Variants in ANPEP observed in about 807,000 individuals in gnomAD.
ANPEP encodes alanyl aminopeptidase, membrane.
Under a neutral mutation model 114.6 loss-of-function variants are expected in ANPEP, and 70 were observed. That is an observed-to-expected ratio of 0.61 (90% CI 0.50 to 0.75). The LOEUF is 0.75. Among genes scored for constraint, ANPEP ranks in the 30% least tolerant of loss-of-function variants. ANPEP has a pLI of 0.00. For synonymous variants in ANPEP, 548 were observed against 522.3 expected, an observed-to-expected ratio of 1.05 and a Z score of -0.67; for missense variants, 1,184 against 1,259.5, an observed-to-expected ratio of 0.94 and a Z score of 0.91.
chr15:89,785,096 A>C lies in ANPEP; in HGVS notation c.*253T>G. 2 of 467,546 alleles carry C rather than the reference A, an allele frequency of 4.3e-6. No homozygotes were observed. Among genetic ancestry groups the C allele is most frequent in the East Asian group, 8.1e-5 (2 of 24,742 alleles). 29.0% of individuals were successfully genotyped at this position (467,546 alleles called of 1,614,324 possible). A position where few individuals can be genotyped will look rare whatever the true frequency, so the allele number is the denominator to read the frequency against. On this transcript the variant is annotated 3_prime_UTR_variant, in exon 21 of 21. Coordinates refer to ENST00000300060, the MANE Select transcript of ANPEP (RefSeq NM_001150.3). ...GCTTCCCTGAGATCAGCCCCAGGGC[A>C]CTGGGCGACAGGTGCCATGCCAGGC...
intron 15 of ANPEP, among the ~76,000 whole-genome samples, chr15:89,797,181 G>T (rs1596164457): frequency 1.3e-5 from 2 of 152,364 alleles, no homozygotes; most frequent in South Asian, 4.1e-4. Flanking sequence ...AGAAAGGGTT[G>T]CCCAAGGCCA....
In ANPEP at chr15:89,787,325, G is replaced by A. The variant is rs1035988160; in HGVS notation, c.2752-1824C>T. ...CTCCCAAAGTGCTGGGATTACAGGC[G>A]TGAGCCGCCATGCCTGGCCAATAAA... On this transcript the variant is annotated intron_variant, in intron 20 of 20. Coordinates refer to ENST00000300060, the MANE Select transcript of ANPEP (RefSeq NM_001150.3). 3.9e-5 allele frequency among the ~76,000 whole-genome samples: 6 copies of A among 152,260 alleles called. No individual in the cohort carries two copies. In the South Asian group the frequency reaches 8.3e-4, roughly 21 times the overall value.
At chr15:89,801,266 C>G (rs1894583177) in intron 11 of ANPEP, 79 bp from the exon 12 acceptor site, 1 of 1,568,910 alleles carries the variant, frequency 6.4e-7, no homozygotes, top group Non-Finnish European at 8.8e-7. Flanking sequence ...AGGCTCCCAG[C>G]TTCTGCCCAG....
At chr15:89,786,019 A>T in intron 20 of ANPEP, among the ~76,000 whole-genome samples, 1 of 152,236 alleles carries the variant, frequency 6.6e-6, no homozygotes, top group South Asian at 2.1e-4. Context: ...AATTTTAAGG[A>T]ATCCATTAAA....
chr15:89,804,204 T>A, intron 6 of ANPEP, 49 bp downstream of exon 6: 1 of 1,608,634 alleles, frequency 6.2e-7, no homozygotes, highest in Non-Finnish European at 8.5e-7. Flanking sequence ...CGCCGTCTCC[T>A]CTCGGAGCCC....
At chr15:89,794,675 C>A (rs1968695466) in intron 15 of ANPEP, among the ~76,000 whole-genome samples, 1 of 151,978 alleles carries the variant, frequency 6.6e-6, no homozygotes, top group African/African-American at 2.4e-5. Flanking sequence ...GAGATTGAAC[C>A]AGGGGGCTCA....
At chr15:89,813,045 C>T (rs1894843449) in intron 1 of ANPEP, among the ~76,000 whole-genome samples, 1 of 152,096 alleles carries the variant, frequency 6.6e-6, no homozygotes, top group South Asian at 2.1e-4. Flanking sequence ...TGACTGGGAC[C>T]ACTGTAGGGC....
Position 89,792,465 on chromosome 15 carries a change from G to A in ANPEP, c.2347C>T (p.Pro783Ser), listed in dbSNP as rs371057081. 6 of 1,614,094 alleles carry A rather than the reference G, an allele frequency of 3.7e-6. No individual in the cohort carries two copies. Among genetic ancestry groups the A allele is most frequent in the Non-Finnish European group, 5.1e-6 (6 of 1,179,986 alleles). Residue 783 changes from proline (P) to serine (S), a missense_variant, in exon 17 of 21, where the codon CCC (proline) becomes TCC (serine). Transcript: ENST00000300060. ...GGAGACACTCACGGGTTATTATTGG[G>A]GTTCTCCATCCACTGCTTGAAAAGG... ...SGLFKQWMEN[P>S]NNNPIHPNLR...
Position 89,812,473 on chromosome 15 carries a change from C to T in ANPEP, c.-224+2299G>A, listed in dbSNP as rs116438062. Reference sequence around the variant, plus strand: ...TTCCTCTGGGAGCCTTGGACATTGCCCCTCCTGCAAGAACCTCAGAAGGCC... The same window carrying T: ...TTCCTCTGGGAGCCTTGGACATTGCTCCTCCTGCAAGAACCTCAGAAGGCC... On this transcript the variant is annotated intron_variant, in intron 1 of 20. Transcript: ENST00000300060. Among the ~76,000 whole-genome samples, 856 of 152,310 alleles carry T rather than the reference C, an allele frequency of 5.6e-3. 10 individuals are homozygous for T. The highest frequency in any genetic ancestry group is 0.019 in the African/African-American group (805 of 41,586).
At position 89,803,431 on chromosome 15, in the gene ANPEP, G is replaced by A; in HGVS notation, c.1503+11C>T. 9 of 1,608,322 alleles carry A rather than the reference G, an allele frequency of 5.6e-6. No homozygotes were observed. The highest frequency in any genetic ancestry group is 7.6e-6 in the Non-Finnish European group (9 of 1,177,292). On this transcript the variant is annotated intron_variant, in intron 9 of 20. Transcript: ENST00000300060. This position sits in a 1 kb window ranked among gnomAD's most constrained non-coding sequence, Gnocchi z 4.2. ...CCCACCCTCATGGCTGGCCCAGGGT[G>A]CAGTACTCACCGCCAGGCCCTGCTT... is the stretch of plus-strand genomic sequence containing the variant.
chr15:89,805,460 C>T lies in ANPEP; in HGVS notation c.618G>A (p.Val206=). 1 of 1,614,050 alleles carries T rather than the reference C, an allele frequency of 6.2e-7. No individual in the cohort carries two copies. The highest frequency in any genetic ancestry group is 8.5e-7 in the Non-Finnish European group (1 of 1,179,974). ...CAGCCTGCATCTGTGTAGTGGCCACCACCCTGCCCCAACAGGAAGGTTAGA... is the reference window on the plus strand; with the variant it reads ...CAGCCTGCATCTGTGTAGTGGCCACTACCCTGCCCCAACAGGAAGGTTAGA... The part of the protein sequence containing the change: ...SEYMEGNVRK[V]VATTQMQAAD... The change falls in exon 3 of 21, where the codon GTG becomes GTA. Residue 206 remains valine, a synonymous_variant. Transcript: ENST00000300060.
chr15:89,814,378 C>T (rs1477128687), intron 1 of ANPEP, among the ~76,000 whole-genome samples: 1 of 152,132 alleles, frequency 6.6e-6, no homozygotes, highest in Non-Finnish European at 1.5e-5. Flanking sequence ...CCTTCGGCCG[C>T]GCCCCACCCA....
Position 89,806,456 on chromosome 15 carries a change from C to A in ANPEP, c.128G>T (p.Ser43Ile), listed in dbSNP as rs1393545640. The change falls in exon 2 of 21, where the codon AGC becomes ATC. Residue 43 changes from serine to isoleucine, a missense_variant. By Grantham distance (142) the Ser-to-Ile change is moderately radical (BLOSUM62 -2). Coordinates refer to ENST00000300060, the MANE Select transcript of ANPEP (RefSeq NM_001150.3). This position sits in a 1 kb window ranked among gnomAD's most constrained non-coding sequence, Gnocchi z 5.7. ...YSQEKNKNAN[S>I]SPVASTTPSA... The stretch of plus-strand genomic sequence containing the variant: ...CGGGGTGGTGGAGGCCACGGGGGAG[C>A]TGTTGGCGTTCTTGTTCTTCTCCTG... The A allele has an allele frequency of 6.2e-7, 1 of 1,613,828 alleles. No individual in the cohort carries two copies. The highest frequency in any genetic ancestry group is 8.5e-7 in the Non-Finnish European group (1 of 1,179,878).
At chr15:89,791,599 A>ATT (rs10596905) in intron 18 of ANPEP, among the ~76,000 whole-genome samples, 1,938 of 135,258 alleles carry the variant, frequency 0.014, 47 homozygotes, top group African/African-American at 0.05. Flanking sequence ...CACCATGCCT[A>ATT]TTTTTTTTTT....
chr15:89,792,928 G>T (rs1273259459), intron 16 of ANPEP, 107 bp downstream of exon 16: 3 of 1,020,060 alleles, frequency 2.9e-6, no homozygotes, highest in African/African-American at 3.2e-5. Context: ...GTCTCTCCCT[G>T]CCTGGTGCCC....
rs754954275 is a variant in ANPEP at position 89,790,908 on chromosome 15, C to T, written c.2669+45G>A. ...CCGCACAGGCCACCCCCCGGGGCCC[C>T]AGCCTCGGCGCTCGCTGTCCCTGAC... is the stretch of plus-strand genomic sequence containing the variant. On this transcript the variant is annotated intron_variant, in intron 19 of 20. Transcript: ENST00000300060. 3.7e-6 allele frequency: 6 copies of T among 1,602,352 alleles called. No homozygotes were observed. The South Asian group carries it at 6.7e-5, about 18-fold the overall frequency.
At position 89,795,580 on chromosome 15, in the gene ANPEP, C is replaced by T. The variant is rs967232391; in HGVS notation, c.2157+1995G>A. On this transcript the variant is annotated intron_variant, in intron 15 of 20. Transcript: ENST00000300060. The stretch of plus-strand genomic sequence containing the variant: ...CAAATAACTGGAAATAAGAATGGCT[C>T]TGGGCATCGCATCAGCAACATGGCA... 5.3e-5 allele frequency among the ~76,000 whole-genome samples: 8 copies of T among 152,280 alleles called. No homozygotes were observed. In the East Asian group the frequency reaches 1.4e-3, roughly 26 times the overall value.
At chr15:89,808,674 G>A (rs951368381) in intron 1 of ANPEP, among the ~76,000 whole-genome samples, 5 of 152,106 alleles carry the variant, frequency 3.3e-5, no homozygotes, top group Admixed American at 1.3e-4. Flanking sequence ...CAGGCAGGCC[G>A]GACTCGTGCC....
At chr15:89,809,381 C>A (rs1191488325) in intron 1 of ANPEP, among the ~76,000 whole-genome samples, 4 of 152,272 alleles carry the variant, frequency 2.6e-5, no homozygotes, top group Non-Finnish European at 5.9e-5. Flanking sequence ...GCCCACCATA[C>A]TCTCTTCCTG....
Sources: allele counts gnomAD v4.1 joint callset (sites outside exome capture counted in the v4.1 genomes callset), GRCh38; gene constraint gnomAD v4.1.1; non-coding constraint Gnocchi (gnomAD v3.1); transcripts MANE v1.5; gene names NCBI Gene and HGNC (gene_info 2026-07-23, HGNC 2026-07-21).